The following PDZRN3 variants were observed in gnomAD, a reference collection of about 807,000 sequenced individuals.
PDZRN3 encodes E3 ubiquitin-protein ligase PDZRN3.
Under a neutral mutation model 85.7 loss-of-function variants are expected in PDZRN3, and 38 were observed. That is an observed-to-expected ratio of 0.44 (90% CI 0.34 to 0.58). PDZRN3 has a LOEUF of 0.58. Among genes scored for constraint, PDZRN3 ranks in the 20% least tolerant of loss-of-function variants. PDZRN3 has a pLI of 0.01. For missense variants in PDZRN3, 1,629 were observed against 1,506.4 expected (o/e 1.08, Z -1.35); for synonymous variants, 759 against 638.0 (o/e 1.19, Z -2.86).
chr3:73,474,201 G>A (rs572905298), intron 3 of PDZRN3, among the ~76,000 whole-genome samples: 1 of 152,256 alleles, frequency 6.6e-6, no homozygotes, highest in East Asian at 1.9e-4. Context: ...TTCAGAAGTT[G>A]CTATGGTTTT....
intron 3 of PDZRN3, chr3:73,408,347 T>C: frequency 3.2e-6 from 2 of 619,162 alleles, no homozygotes; most frequent in South Asian, 3.8e-5. Context: ...ATGCCAATAA[T>C]AAGAATTTAC....
At chr3:73,484,923 G>A (rs930072078) in intron 3 of PDZRN3, among the ~76,000 whole-genome samples, 2 of 152,200 alleles carry the variant, frequency 1.3e-5, no homozygotes, top group African/African-American at 4.8e-5. Flanking sequence ...AAACCAGGGC[G>A]AGCCAACCTT....
At chr3:73,465,666 T>G (rs750486504) in intron 3 of PDZRN3, among the ~76,000 whole-genome samples, 2 of 152,216 alleles carry the variant, frequency 1.3e-5, no homozygotes, top group Non-Finnish European at 2.9e-5. Flanking sequence ...GAAACGATTT[T>G]CTTTCTGCAA....
intron 5 of PDZRN3, among the ~76,000 whole-genome samples, chr3:73,396,305 T>C (rs1013810983): frequency 2.0e-5 from 3 of 152,154 alleles, no homozygotes; most frequent in Middle Eastern, 3.4e-3. Context: ...AGAGATGACA[T>C]TTGGGAAAAG....
At chr3:73,576,028 T>C (rs1039080983) in intron 3 of PDZRN3, among the ~76,000 whole-genome samples, 18 of 152,048 alleles carry the variant, frequency 1.2e-4, no homozygotes, top group African/African-American at 4.1e-4. Context: ...TCAAGCGAAG[T>C]CATCTTCTGT....
intron 3 of PDZRN3, among the ~76,000 whole-genome samples, chr3:73,513,633 A>G (rs1336304376): frequency 6.6e-6 from 1 of 152,210 alleles, no homozygotes; most frequent in Non-Finnish European, 1.5e-5. Context: ...CCTGCCTCAA[A>G]CCAAGAATTT....
intron 3 of PDZRN3, among the ~76,000 whole-genome samples, chr3:73,458,068 C>G (rs1703023934): frequency 6.6e-6 from 1 of 152,198 alleles, no homozygotes; most frequent in Non-Finnish European, 1.5e-5. Flanking sequence ...GACCGAGGTT[C>G]TGTTACCAGT....
intron 1 of PDZRN3, among the ~76,000 whole-genome samples, chr3:73,618,392 T>C (rs777042545): frequency 1.4e-4 from 22 of 152,200 alleles, no homozygotes; most frequent in Non-Finnish European, 2.9e-4. Context: ...TTGGTAACAG[T>C]GTGAGCTCGG....
intron 3 of PDZRN3, among the ~76,000 whole-genome samples, chr3:73,429,426 T>G (rs1264311599): frequency 6.6e-6 from 1 of 152,164 alleles, no homozygotes; most frequent in Non-Finnish European, 1.5e-5. Context: ...AATCGAACCG[T>G]GACCCATCTG....
At chr3:73,445,354 T>A (rs76397190) in intron 3 of PDZRN3, among the ~76,000 whole-genome samples, 1 of 152,144 alleles carries the variant, frequency 6.6e-6, no homozygotes. Context: ...AGGAGTTGGA[T>A]GGATAACTTA....
chr3:73,602,440 T>G lies in PDZRN3; in HGVS notation c.832A>C (p.Ser278Arg). 6.3e-7 allele frequency: 1 copy of G among 1,599,634 alleles called. No individual in the cohort carries two copies. The highest frequency in any genetic ancestry group is 8.5e-7 in the Non-Finnish European group (1 of 1,169,658). ...ATCTTGGATACAAAGATTCCTTCACTGGATGATCCATCGTGGTTATCCTTT... is the reference window on the plus strand; with the variant it reads ...ATCTTGGATACAAAGATTCCTTCACGGGATGATCCATCGTGGTTATCCTTT... The part of the protein sequence containing the change: ...PSVDNHDGSS[S>R]EGIFVSKIVD... Residue 278 changes from serine to arginine, a missense_variant, in exon 3 of 10, where the codon AGT becomes CGT. Transcript: ENST00000263666.
chr3:73,398,003 G>T (rs1426078659), intron 5 of PDZRN3, among the ~76,000 whole-genome samples: 1 of 152,168 alleles, frequency 6.6e-6, no homozygotes, highest in Admixed American at 6.6e-5. Context: ...TCGTGATTTT[G>T]CATTTCTAGG....
At chr3:73,606,679 T>A (rs182971515) in intron 2 of PDZRN3, among the ~76,000 whole-genome samples, 2 of 152,356 alleles carry the variant, frequency 1.3e-5, no homozygotes, top group African/African-American at 4.8e-5. Flanking sequence ...CCTGTCCCCA[T>A]CTACCTTCAT....
At chr3:73,455,300 T>G (rs1363168701) in intron 3 of PDZRN3, among the ~76,000 whole-genome samples, 1 of 152,180 alleles carries the variant, frequency 6.6e-6, no homozygotes, top group Admixed American at 6.5e-5. Context: ...ACAAGAAAGG[T>G]GGGGTCTAGA....
At chr3:73,567,772 C>T (rs1398451970) in intron 3 of PDZRN3, among the ~76,000 whole-genome samples, 1 of 152,144 alleles carries the variant, frequency 6.6e-6, no homozygotes, top group Non-Finnish European at 1.5e-5. Flanking sequence ...AAAACTTAGC[C>T]TCTATCTCCC....
At chr3:73,531,240 G>A (rs1217539444) in intron 3 of PDZRN3, among the ~76,000 whole-genome samples, 2 of 111,574 alleles carry the variant, frequency 1.8e-5, no homozygotes, top group African/African-American at 7.3e-5. Flanking sequence ...GACAGAGCGA[G>A]ACTTCGTCTC....
intron 3 of PDZRN3, among the ~76,000 whole-genome samples, chr3:73,568,165 G>C (rs770877542): frequency 5.9e-5 from 9 of 152,100 alleles, no homozygotes; most frequent in African/African-American, 9.7e-5. Flanking sequence ...TGGCTTCTTG[G>C]ACCAAAGCCA....
intron 3 of PDZRN3, among the ~76,000 whole-genome samples, chr3:73,543,040 T>C (rs1701324215): frequency 6.6e-6 from 1 of 152,180 alleles, no homozygotes; most frequent in Admixed American, 6.5e-5. Flanking sequence ...CCTGGATAAA[T>C]GCAAATACAC....
At chr3:73,504,473 G>A (rs1188343227) in intron 3 of PDZRN3, among the ~76,000 whole-genome samples, 1 of 152,138 alleles carries the variant, frequency 6.6e-6, no homozygotes, top group Non-Finnish European at 1.5e-5. Flanking sequence ...AACCTTCCTG[G>A]TTCCAAACAG....
Sources: allele counts gnomAD v4.1 joint callset (sites outside exome capture counted in the v4.1 genomes callset), GRCh38; gene constraint gnomAD v4.1.1; transcripts MANE v1.5; gene names NCBI Gene and HGNC (gene_info 2026-07-23, HGNC 2026-07-21).